The following CDKL2 variants were observed in gnomAD, a reference collection of about 807,000 sequenced individuals.
The protein encoded by CDKL2 is cyclin-dependent kinase-like 2.
CDKL2 carries 64 observed loss-of-function variants against 63.9 expected under a neutral mutation model. That is an observed-to-expected ratio of 1.00 (90% CI 0.82 to 1.23). The LOEUF (loss-of-function observed/expected upper bound fraction) is 1.23, where lower values mean the gene tolerates loss of function less well. Ranked by LOEUF, CDKL2 falls within the 50% of genes most tolerant of loss-of-function variation. The pLI, the probability that CDKL2 is intolerant of heterozygous loss-of-function variation, is 0.00. For missense variants in CDKL2, 656 were observed against 668.0 expected (o/e 0.98, Z 0.20); for synonymous variants, 211 against 229.2 (o/e 0.92, Z 0.72).
chr4:75,585,046 A>G (rs1300386464), intron 12 of CDKL2, among the ~76,000 whole-genome samples: 1 of 152,206 alleles, frequency 6.6e-6, no homozygotes, highest in Admixed American at 6.5e-5. Flanking sequence ...TCTGTGAAAG[A>G]AACACTTTAA....
At chr4:75,579,711 C>T (rs1728178646) in intron 13 of CDKL2, among the ~76,000 whole-genome samples, 1 of 151,816 alleles carries the variant, frequency 6.6e-6, no homozygotes, top group Admixed American at 6.6e-5. Context: ...TAACACACAT[C>T]TCCTTTTATG....
intron 1 of CDKL2, among the ~76,000 whole-genome samples, chr4:75,627,643 C>A (rs1288797183): frequency 1.3e-5 from 2 of 151,904 alleles, no homozygotes; most frequent in African/African-American, 4.8e-5. Flanking sequence ...TACTTATGCA[C>A]CTTCCACTTA....
At position 75,626,017 on chromosome 4, in the gene CDKL2, G is replaced by T. The variant is rs750970140; in HGVS notation, c.-29C>A. Reference sequence around the variant, plus strand: ...AATTTAAAGTCCGTAGAAACTTTTTGCTGTGAAAACCAAAACATAGATTTA... The same window carrying T: ...AATTTAAAGTCCGTAGAAACTTTTTTCTGTGAAAACCAAAACATAGATTTA... On this transcript the variant is annotated splice_region_variant and 5_prime_UTR_variant, in exon 2 of 14. Transcript: ENST00000307465. 1.3e-6 allele frequency: 2 copies of T among 1,591,450 alleles called. No homozygotes were observed. The highest frequency in any genetic ancestry group is 8.5e-7 in the Non-Finnish European group (1 of 1,171,808).
At chr4:75,622,780 A>G (rs921701593) in intron 2 of CDKL2, among the ~76,000 whole-genome samples, 2 of 151,176 alleles carry the variant, frequency 1.3e-5, no homozygotes, top group African/African-American at 2.4e-5. Flanking sequence ...GGATTATACA[A>G]TGTTCATGAA....
chr4:75,600,457 G>T (rs1425906107), intron 6 of CDKL2, 88 bp from the exon 7 acceptor site: 12 of 874,912 alleles, frequency 1.4e-5, no homozygotes, highest in Non-Finnish European at 2.1e-5. Flanking sequence ...CCTCTTTATA[G>T]TCAACGATTT....
In CDKL2 at chr4:75,596,994, T is replaced by G; in HGVS notation, c.1263A>C (p.Ala421=). ...TTCCAGAATTAATGCTGGGAGCAAC[T>G]GCAGAAAGATTGTGTGTAAGTGGGG... ...AIPPLTHNLS[A]VAPSINSGMG... is the part of the protein sequence containing the mutation. The change falls in exon 9 of 14, where the codon GCA becomes GCC. Residue 421 remains alanine (A), a synonymous_variant. Transcript: ENST00000307465. 1 of 1,614,238 alleles carries G rather than the reference T, an allele frequency of 6.2e-7. No individual in the cohort carries two copies. Among genetic ancestry groups the G allele is most frequent in the Non-Finnish European group, 8.5e-7 (1 of 1,180,026 alleles).
intron 2 of CDKL2, among the ~76,000 whole-genome samples, chr4:75,622,297 G>A (rs1213123031): frequency 2.6e-5 from 4 of 152,068 alleles, no homozygotes; most frequent in African/African-American, 9.7e-5. Flanking sequence ...AGAAATAACT[G>A]TATCTGCTTA....
Position 75,614,446 on chromosome 4 carries a change from G to A in CDKL2, c.172C>T (p.Leu58Phe), listed in dbSNP as rs1259210254. ...AGATTCACCAAGTTTTCATGCCTAAGTTGCTGTTATTAAAAAATGCAAAAT... is the reference window on the plus strand; with the variant it reads ...AGATTCACCAAGTTTTCATGCCTAAATTGCTGTTATTAAAAAATGCAAAAT... The part of the protein sequence containing the change: ...AMREIKLLKQ[L>F]RHENLVNLLE... Residue 58 changes from leucine (L) to phenylalanine (F), a missense_variant, in exon 3 of 14, where the codon CTT becomes TTT. By Grantham distance (22) the Leu-to-Phe change is conservative. Transcript: ENST00000307465. 24 of 1,538,226 alleles carry A rather than the reference G, an allele frequency of 1.6e-5. No homozygotes were observed. The highest frequency in any genetic ancestry group is 1.8e-5 in the Non-Finnish European group (21 of 1,139,490).
chr4:75,611,784 A>G (rs1431628473), intron 3 of CDKL2, among the ~76,000 whole-genome samples: 1 of 150,856 alleles, frequency 6.6e-6, no homozygotes, highest in Non-Finnish European at 1.5e-5. Flanking sequence ...CCTTCCGAGT[A>G]GCTGGGATTA....
chr4:75,602,302 C>A (rs1332294098), intron 6 of CDKL2, among the ~76,000 whole-genome samples: 4 of 152,096 alleles, frequency 2.6e-5, no homozygotes, highest in Non-Finnish European at 5.9e-5. Flanking sequence ...GCCTCACCTT[C>A]CCGAGTAGCG....
Position 75,624,002 on chromosome 4 carries a change from C to T in CDKL2, c.168+1819G>A, listed in dbSNP as rs149672061. ...TACAAAAATTAGCCAGGCGTGGTGG[C>T]GGGCGCCTATAGTACCAGCTACTCA... On this transcript the variant is annotated intron_variant, in intron 2 of 13. Coordinates refer to ENST00000307465, the MANE Select transcript of CDKL2 (RefSeq NM_001330724.2). 7.1e-3 allele frequency among the ~76,000 whole-genome samples: 1,071 copies of T among 151,702 alleles called. 12 individuals carry two copies. Among genetic ancestry groups the T allele is most frequent in the African/African-American group, 0.021 (856 of 41,362 alleles).
intron 13 of CDKL2, among the ~76,000 whole-genome samples, chr4:75,579,382 T>C (rs1275025149): frequency 1.3e-5 from 2 of 152,202 alleles, no homozygotes; most frequent in African/African-American, 4.8e-5. Context: ...ATCAAAACTA[T>C]CTTGCGTATG....
At position 75,596,336 on chromosome 4, in the gene CDKL2, C is replaced by T; in HGVS notation, c.1327G>A (p.Asp443Asn). Reference protein sequence around the residue: ...ETIPIQGYRVDEKTKKCSIPF... With the variant: ...ETIPIQGYRVNEKTKKCSIPF... ...ATAGAACACTTCTTAGTTTTCTCAT[C>T]CACTCTGTAACGACAAAAAAAAATG... Residue 443 changes from aspartate (D) to asparagine (N), a missense_variant, in exon 10 of 14, where the codon GAT becomes AAT. Physicochemically the swap from Asp to Asn is conservative, Grantham distance 23. Transcript: ENST00000307465. 6.2e-7 allele frequency: 1 copy of T among 1,600,584 alleles called. No homozygotes were observed. Among genetic ancestry groups the T allele is most frequent in the Non-Finnish European group, 8.6e-7 (1 of 1,168,236 alleles).
chr4:75,611,225 G>A (rs578166872), intron 3 of CDKL2, among the ~76,000 whole-genome samples: 3 of 152,222 alleles, frequency 2.0e-5, no homozygotes, highest in South Asian at 4.1e-4. Context: ...TTGGGAGGCC[G>A]AGGTGGGCCG....
chr4:75,615,553 A>G (rs968517232), intron 2 of CDKL2, among the ~76,000 whole-genome samples: 5 of 152,248 alleles, frequency 3.3e-5, no homozygotes, highest in African/African-American at 1.2e-4. Context: ...ATGAATGAGC[A>G]TTCAAGTAAA....
At position 75,583,476 on chromosome 4, in the gene CDKL2, C is replaced by A. The variant is rs148310795; in HGVS notation, c.1648-1578G>T. Among the ~76,000 whole-genome samples the A allele has an allele frequency of 6.4e-4, 98 of 152,254 alleles. 1 individual carries two copies. The East Asian group carries it at 0.019, about 29-fold the overall frequency. On this transcript the variant is annotated intron_variant, in intron 12 of 13. Coordinates refer to ENST00000307465, the MANE Select transcript of CDKL2 (RefSeq NM_001330724.2). The stretch of plus-strand genomic sequence containing the variant: ...AGATACCAGCCTTCCCCATCTCCTC[C>A]AAATCTTTCACGGAATCATAATTTC...
intron 12 of CDKL2, among the ~76,000 whole-genome samples, chr4:75,584,519 C>T (rs112738342): frequency 6.6e-6 from 1 of 152,288 alleles, no homozygotes; most frequent in African/African-American, 2.4e-5. Flanking sequence ...CAGCTGTGCC[C>T]TAGCTCCTGA....
chr4:75,616,267 G>A (rs1361238615), intron 2 of CDKL2, among the ~76,000 whole-genome samples: 1 of 151,958 alleles, frequency 6.6e-6, no homozygotes, highest in African/African-American at 2.4e-5. Context: ...TCATGCCACT[G>A]CATTCCAGCC....
intron 12 of CDKL2, among the ~76,000 whole-genome samples, chr4:75,591,413 A>G (rs911617189): frequency 4.6e-5 from 7 of 152,184 alleles, no homozygotes; most frequent in Non-Finnish European, 7.3e-5. Flanking sequence ...CCCAGGCAAC[A>G]TAGCAAGGCC....
Sources: gnomAD v4.1 joint callset for allele counts (sites outside exome capture counted in the v4.1 genomes callset) on GRCh38, gnomAD v4.1.1 for gene constraint, MANE v1.5 for transcripts, NCBI Gene and HGNC (gene_info 2026-07-23, HGNC 2026-07-21) for gene names.